LIPA: variants seen among roughly 807,000 people sequenced by gnomAD.
LIPA encodes the protein lipase A, lysosomal acid type, also known as lysosomal acid lipase/cholesteryl ester hydrolase.
LIPA carries 26 observed loss-of-function variants against 40.6 expected under a neutral mutation model. The ratio of observed to expected loss-of-function variants is 0.64; its 90% CI spans 0.47 to 0.89. The LOEUF is 0.89. Ranked by LOEUF, LIPA falls within the 40% of genes least tolerant of loss-of-function variation. The pLI, the probability that LIPA is intolerant of heterozygous loss-of-function variation, is 0.00. For missense variants in LIPA, 455 were observed against 479.6 expected (o/e 0.95, Z 0.48); for synonymous variants, 188 against 168.4 (o/e 1.12, Z -0.90).
chr10:89,356,144 T>C (rs781063691), intron 2 of LIPA, among the ~76,000 whole-genome samples: 4 of 152,164 alleles, frequency 2.6e-5, no homozygotes, highest in African/African-American at 4.8e-5. Flanking sequence ...TGAGTCTGTA[T>C]TGGGACCCCT....
chr10:89,388,169 G>A (rs2133607432), intron 2 of LIPA, among the ~76,000 whole-genome samples: 1 of 152,128 alleles, frequency 6.6e-6, no homozygotes, highest in East Asian at 1.9e-4. Flanking sequence ...GCAGTGGCAT[G>A]ATCTCAGCTC....
intron 1 of LIPA, among the ~76,000 whole-genome samples, chr10:89,260,281 G>A (rs1320109556): frequency 6.6e-6 from 1 of 152,160 alleles, no homozygotes. Context: ...TCACTAACGA[G>A]AATTTAACCC....
At chr10:89,336,287 A>T (rs1033371249) in intron 1 of LIPA, among the ~76,000 whole-genome samples, 1 of 152,130 alleles carries the variant, frequency 6.6e-6, no homozygotes, top group African/African-American at 2.4e-5. Flanking sequence ...GAAGATATTG[A>T]CACTGGAACC....
rs2133524834 is a variant in LIPA, at chr10:89,309,258, A to T, written c.-2+33353T>A. 4 of 152,300 alleles carry T rather than the reference A, an allele frequency of 2.6e-5. No homozygotes were observed. In the South Asian group the frequency reaches 8.3e-4, roughly 32 times the overall value. 9.4% of individuals were successfully genotyped at this position (152,300 alleles called of 1,614,324 possible). A position where few individuals can be genotyped will look rare whatever the true frequency, so the allele number is the denominator to read the frequency against. On this transcript the variant is annotated intron_variant, in intron 1 of 5. Coordinates refer to the LIPA transcript ENST00000282673. ...TCTGACCTCTGTTATGAGAAATAAAAGTCACTGATTCCATTTTATGCCCCA... is the reference window on the plus strand; with the variant it reads ...TCTGACCTCTGTTATGAGAAATAAATGTCACTGATTCCATTTTATGCCCCA...
intron 2 of LIPA, among the ~76,000 whole-genome samples, chr10:89,380,064 T>C (rs1199135812): frequency 2.0e-5 from 3 of 151,806 alleles, no homozygotes; most frequent in African/African-American, 7.2e-5. Flanking sequence ...AGGTATTAGT[T>C]GTGTCTGCAT....
intron 1 of LIPA, among the ~76,000 whole-genome samples, chr10:89,297,335 A>G (rs1843421233): frequency 6.6e-6 from 1 of 152,090 alleles, no homozygotes; most frequent in Non-Finnish European, 1.5e-5. Context: ...GAGACAGGGA[A>G]CTCACGCTGG....
At chr10:89,255,927 T>G (rs375164972), upstream of LIPA, among the ~76,000 whole-genome samples, 5 of 152,208 alleles carry the variant, frequency 3.3e-5, no homozygotes, top group South Asian at 8.3e-4. Context: ...ACCACAGAAA[T>G]TATTAGCAAC....
In LIPA at chr10:89,403,753, A is replaced by G. The variant is rs187430618; in HGVS notation, c.61+9038T>C. On this transcript the variant is annotated intron_variant, in intron 2 of 8. Transcript: ENST00000371837. Reference sequence around the variant, plus strand: ...CCACTTTCACATTTCATTTCATTTTATGCTAACATTTACTAATCATCTTTT... The same window carrying G: ...CCACTTTCACATTTCATTTCATTTTGTGCTAACATTTACTAATCATCTTTT... The G allele has an allele frequency of 1.0e-5, 11 of 1,086,374 alleles. 1 individual carries two copies. The Admixed American group carries it at 1.7e-4, about 17-fold the overall frequency. 67.3% of individuals were successfully genotyped at this position (1,086,374 alleles called of 1,614,324 possible). A position where few individuals can be genotyped will look rare whatever the true frequency, so the allele number is the denominator to read the frequency against.
intron 1 of LIPA, chr10:89,340,193 A>G: frequency 6.7e-7 from 1 of 1,492,672 alleles, no homozygotes; most frequent in South Asian, 1.4e-5. Flanking sequence ...GGACGATAGG[A>G]AGACAGGGGG....
intron 8 of LIPA, among the ~76,000 whole-genome samples, chr10:89,217,897 T>C (rs1055232293): frequency 2.0e-5 from 3 of 152,132 alleles, no homozygotes; most frequent in Non-Finnish European, 2.9e-5. Flanking sequence ...TTTCAAATAA[T>C]AGATATTTGG....
At chr10:89,402,224 C>CT (rs1163482569) in intron 2 of LIPA, 4 of 1,152,462 alleles carry the variant, frequency 3.5e-6, no homozygotes, top group Admixed American at 2.2e-5. Context: ...TTTTATCTGA[C>CT]TTTTTTCTTT....
intron 1 of LIPA, among the ~76,000 whole-genome samples, chr10:89,320,425 C>T (rs1189990742): frequency 6.6e-6 from 1 of 152,112 alleles, no homozygotes; most frequent in Non-Finnish European, 1.5e-5. Context: ...ACACCAATAA[C>T]AGACAAACAG....
At chr10:89,410,730 A>AC (rs538101220) in intron 2 of LIPA, among the ~76,000 whole-genome samples, 167 of 152,256 alleles carry the variant, frequency 1.1e-3, no homozygotes, top group African/African-American at 3.7e-3. Flanking sequence ...CTCTGGGGGA[A>AC]CCCCCATTAA....
chr10:89,214,792 T>C lies in LIPA; in HGVS notation c.*36A>G. 1 of 1,211,024 alleles carries C rather than the reference T, an allele frequency of 8.3e-7. No individual in the cohort carries two copies. The highest frequency in any genetic ancestry group is 1.2e-6 in the Non-Finnish European group (1 of 813,740). The allele number at this position is 1,211,024 out of a possible 1,614,324, so 75.0% of individuals were successfully genotyped here. On this transcript the variant is annotated 3_prime_UTR_variant, in exon 10 of 10. Transcript: ENST00000336233. ...GCAAACACATTTTCACATGACATAA[T>C]CATTGACTTGGTGGTACACAGCTCA...
intron 2 of LIPA, among the ~76,000 whole-genome samples, chr10:89,401,413 A>G (rs1018233746): frequency 2.0e-5 from 3 of 151,990 alleles, no homozygotes; most frequent in African/African-American, 7.2e-5. Flanking sequence ...GAGCCACCGC[A>G]CCCAGCCTAT....
chr10:89,358,775 G>T (rs767672199), intron 2 of LIPA, among the ~76,000 whole-genome samples: 28 of 152,104 alleles, frequency 1.8e-4, no homozygotes, highest in Non-Finnish European at 3.4e-4. Context: ...AGGCTGGGAA[G>T]GGTAGAGGGG....
chr10:89,270,746 T>A (rs943025148), intron 1 of LIPA, among the ~76,000 whole-genome samples: 5 of 152,216 alleles, frequency 3.3e-5, no homozygotes, highest in Non-Finnish European at 7.3e-5. Flanking sequence ...CTACTCATGT[T>A]ATACGACCCA....
intron 1 of LIPA, among the ~76,000 whole-genome samples, chr10:89,279,490 G>A (rs1843304957): frequency 1.3e-5 from 2 of 152,092 alleles, no homozygotes; most frequent in Admixed American, 1.3e-4. Flanking sequence ...GAGTGTAAGG[G>A]GTTTGCATTT....
chr10:89,267,754 A>G (rs1207574187), intron 1 of LIPA, among the ~76,000 whole-genome samples: 1 of 151,756 alleles, frequency 6.6e-6, no homozygotes, highest in Non-Finnish European at 1.5e-5. Flanking sequence ...AAACTTAAAA[A>G]AAAAAAAAAG....
Sources: gnomAD v4.1 joint callset for allele counts (sites outside exome capture counted in the v4.1 genomes callset) on GRCh38, gnomAD v4.1.1 for gene constraint, MANE v1.5 for transcripts, NCBI Gene and HGNC (gene_info 2026-07-23, HGNC 2026-07-21) for gene names.